GADL1: variants seen among roughly 807,000 people sequenced by gnomAD.
GADL1 encodes GAD like acidic amino acid decarboxylase 1.
GADL1 carries 71 observed loss-of-function variants against 69.5 expected under a neutral mutation model. The observed-to-expected ratio is 1.02, with a 90% CI of 0.84 to 1.25. The LOEUF (loss-of-function observed/expected upper bound fraction) is 1.25, where lower values mean the gene tolerates loss of function less well. Among genes scored for constraint, GADL1 ranks in the 50% most tolerant of loss-of-function variants. The pLI, the probability that GADL1 is intolerant of heterozygous loss-of-function variation, is 0.00. For synonymous variants in GADL1, 254 were observed against 214.4 expected (o/e 1.18, Z -1.62); for missense variants, 737 against 631.8 (o/e 1.17, Z -1.79).
chr3:30,863,222 G>C (rs1471013242), intron 1 of GADL1, among the ~76,000 whole-genome samples: 1 of 151,894 alleles, frequency 6.6e-6, no homozygotes, highest in Non-Finnish European at 1.5e-5. Flanking sequence ...CTATATTACA[G>C]ATACTGCTTT....
At chr3:30,834,168 A>T (rs1268532051) in intron 10 of GADL1, 49 bp downstream of exon 10, 3 of 1,389,016 alleles carry the variant, frequency 2.2e-6, no homozygotes, top group Admixed American at 3.4e-5. Flanking sequence ...GTCCAAAGAG[A>T]TCCCTTTGCC....
chr3:30,736,029 C>T (rs1695537403), intron 14 of GADL1, among the ~76,000 whole-genome samples: 1 of 151,970 alleles, frequency 6.6e-6, no homozygotes, highest in South Asian at 2.1e-4. Context: ...ATTTTGGATC[C>T]ATTTTTAAAA....
chr3:30,751,414 C>CTTCTGTTGCTTTGTCTTT (rs1695813233), intron 14 of GADL1, among the ~76,000 whole-genome samples: 2 of 151,618 alleles, frequency 1.3e-5, no homozygotes, highest in African/African-American at 4.9e-5. Flanking sequence ...TTACTCCGTT[C>CTTCTGTTGCTTTGTCTTT]TTCTGTTGCT....
At chr3:30,738,574 T>C (rs950574261) in intron 14 of GADL1, among the ~76,000 whole-genome samples, 5 of 152,164 alleles carry the variant, frequency 3.3e-5, no homozygotes, top group Admixed American at 6.5e-5. Context: ...GGTATGTTCA[T>C]GTTGTTTTCC....
At chr3:30,882,633 G>A (rs1261120762) in intron 1 of GADL1, among the ~76,000 whole-genome samples, 1 of 151,886 alleles carries the variant, frequency 6.6e-6, no homozygotes, top group Admixed American at 6.6e-5. Context: ...GAACATTGGT[G>A]TGCAAATATC....
At chr3:30,786,800 G>GTTTT (rs2125500067) in intron 12 of GADL1, among the ~76,000 whole-genome samples, 1 of 152,166 alleles carries the variant, frequency 6.6e-6, no homozygotes, top group African/African-American at 2.4e-5. Flanking sequence ...GTTTTGTTTT[G>GTTTT]TTTTTGGTGT....
At chr3:30,887,650 T>C (rs936540165) in intron 1 of GADL1, among the ~76,000 whole-genome samples, 3 of 152,144 alleles carry the variant, frequency 2.0e-5, no homozygotes, top group African/African-American at 7.2e-5. Context: ...GAAAAGAGAC[T>C]AAGAGGCAGT....
chr3:30,814,398 A>G (rs1697419888), intron 11 of GADL1, among the ~76,000 whole-genome samples: 1 of 152,212 alleles, frequency 6.6e-6, no homozygotes, highest in African/African-American at 2.4e-5. Flanking sequence ...TACACCTTAT[A>G]TATCCTATAT....
At chr3:30,862,564 G>A (rs1698336957) in intron 1 of GADL1, among the ~76,000 whole-genome samples, 1 of 151,954 alleles carries the variant, frequency 6.6e-6, no homozygotes, top group Admixed American at 6.6e-5. Flanking sequence ...AAAGAAAATA[G>A]CACCTGTCCT....
rs1243001681 is a variant in GADL1, at chr3:30,726,744, TA to T, written c.*1497del. On this transcript the variant is annotated 3_prime_UTR_variant, in exon 15 of 15. Transcript: ENST00000282538. ...ACCTTTTAATGCAGACCTTTAATTA[TA>T]TTCATAATCTTATCTTGGTGAACTC... 1 of 152,202 alleles carries T rather than the reference TA, an allele frequency of 6.6e-6. No homozygotes were observed. Among genetic ancestry groups the T allele is most frequent in the East Asian group, 1.9e-4 (1 of 5,202 alleles). 9.4% of individuals were successfully genotyped at this position (152,202 alleles called of 1,614,324 possible). A position where few individuals can be genotyped will look rare whatever the true frequency, so the allele number is the denominator to read the frequency against.
rs757366782 is a variant in GADL1, at chr3:30,844,289, T to C, written c.732-25A>G. On this transcript the variant is annotated intron_variant, in intron 7 of 14. Coordinates refer to ENST00000282538, the MANE Select transcript of GADL1 (RefSeq NM_207359.3). ...TCTAAGGGACAAAGATTTGAGACTT[T>C]CAGTTATGTTTAGTAATTAACAGAT... 1.7e-5 allele frequency: 27 copies of C among 1,603,738 alleles called. No homozygotes were observed. In the South Asian group the frequency reaches 2.4e-4, roughly 14 times the overall value.
intron 1 of GADL1, among the ~76,000 whole-genome samples, chr3:30,862,666 T>C (rs1327126147): frequency 6.6e-6 from 1 of 152,022 alleles, no homozygotes; most frequent in Admixed American, 6.6e-5. Context: ...GTATTGGATG[T>C]ATCTGAATTA....
rs1248809018 is a variant in GADL1, at chr3:30,727,422, G to GTGTA, written c.*819_*820insTACA. 6.3e-5 allele frequency: 9 copies of GTGTA among 143,576 alleles called. No homozygotes were observed. Among genetic ancestry groups the GTGTA allele is most frequent in the African/African-American group, 1.5e-4 (6 of 39,348 alleles). The allele number at this position is 143,576 out of a possible 1,614,324, so 8.9% of individuals were successfully genotyped here. On this transcript the variant is annotated 3_prime_UTR_variant, in exon 15 of 15. Transcript: ENST00000282538. ...TATATATATATATATGTGTGTGTGT[G>GTGTA]TATATATATATATATATATAATTTT...
rs1695382212 is a variant in GADL1, at chr3:30,727,247, A to G, written c.*995T>C. 6.6e-6 allele frequency: 1 copy of G among 150,950 alleles called. No homozygotes were observed. The highest frequency in any genetic ancestry group is 6.6e-5 in the Admixed American group (1 of 15,134). The allele number at this position is 150,950 out of a possible 1,614,324, so 9.4% of individuals were successfully genotyped here. ...AAAGAAAATTAGTCATAGACGAAAA[A>G]AAAGAAAACCTTCCAGTTGTCTACC... On this transcript the variant is annotated 3_prime_UTR_variant, in exon 15 of 15. Transcript: ENST00000282538.
At chr3:30,762,111 T>C (rs1166960761) in intron 14 of GADL1, among the ~76,000 whole-genome samples, 2 of 152,248 alleles carry the variant, frequency 1.3e-5, no homozygotes, top group African/African-American at 4.8e-5. Flanking sequence ...GAACCCATGT[T>C]TTATAGAGAA....
chr3:30,756,818 C>T (rs965128069), intron 14 of GADL1, among the ~76,000 whole-genome samples: 9 of 152,154 alleles, frequency 5.9e-5, no homozygotes, highest in African/African-American at 7.2e-5. Context: ...GTCTCTCTTA[C>T]ACTTGCCAAG....
At chr3:30,806,086 C>T (rs768971268) in intron 11 of GADL1, among the ~76,000 whole-genome samples, 2 of 151,936 alleles carry the variant, frequency 1.3e-5, no homozygotes, top group African/African-American at 2.4e-5. Flanking sequence ...CCTTGCTGTC[C>T]ACAACAACAA....
chr3:30,892,631 T>A (rs1238089471), intron 1 of GADL1, among the ~76,000 whole-genome samples: 2 of 151,934 alleles, frequency 1.3e-5, no homozygotes, highest in Non-Finnish European at 2.9e-5. Context: ...GAAAAGTAGA[T>A]ACCTTGGTTT....
chr3:30,751,624 ACTG>A (rs1559486907), intron 14 of GADL1, among the ~76,000 whole-genome samples: 1 of 151,986 alleles, frequency 6.6e-6, no homozygotes, highest in Admixed American at 6.6e-5. Context: ...TAATGTGAAA[ACTG>A]AAAGACTGAA....
Sources: allele counts gnomAD v4.1 joint callset (sites outside exome capture counted in the v4.1 genomes callset), GRCh38; gene constraint gnomAD v4.1.1; transcripts MANE v1.5; gene names NCBI Gene and HGNC (gene_info 2026-07-23, HGNC 2026-07-21).